Variants in RPA3 observed in about 807,000 individuals in gnomAD.
RPA3 encodes the protein replication protein A 14 kDa subunit.
Under a neutral mutation model 13.7 loss-of-function variants are expected in RPA3, and 24 were observed. The ratio of observed to expected loss-of-function variants is 1.75; its 90% CI spans 1.27 to 2.46. RPA3 has a LOEUF of 2.46. Among genes scored for constraint, RPA3 ranks in the 30% most tolerant of loss-of-function variants. The probability of loss-of-function intolerance (pLI) is 0.00; values close to 1 mark genes in which losing one functional copy is unlikely to be tolerated. For synonymous variants in RPA3, 59 were observed against 51.2 expected, an observed-to-expected ratio of 1.15 and a Z score of -0.65; for missense variants, 183 against 151.0, an observed-to-expected ratio of 1.21 and a Z score of -1.11.
intron 2 of RPA3, among the ~76,000 whole-genome samples, chr7:7,690,952 A>T (rs1303879885): frequency 1.8e-4 from 27 of 152,196 alleles, no homozygotes; most frequent in Admixed American, 1.8e-3. Context: ...AATGTTTTTT[A>T]TCCCCTAAAG....
chr7:7,675,440 T>G lies in RPA3; in HGVS notation c.-758+10390A>C, dbSNP rs565082990. On this transcript the variant is annotated intron_variant, in intron 4 of 7. Transcript: ENST00000223129. ...ATGTAGTCCTGATGAGACATTCCAT[T>G]GCATGTCTTGTAGCTATCTCAGTAG... Among the ~76,000 whole-genome samples the G allele has an allele frequency of 3.3e-5, 5 of 152,284 alleles. No homozygotes were observed. In the East Asian group the frequency reaches 9.6e-4, roughly 29 times the overall value.
At chr7:7,687,434 C>G (rs1008039282) in intron 2 of RPA3, 106 bp from the exon 3 acceptor site, 1 of 152,188 alleles carries the variant, frequency 6.6e-6, no homozygotes, top group Non-Finnish European at 1.5e-5. Flanking sequence ...CTTAGTTTAG[C>G]TGGAGAGAAT....
rs1780368612 is a variant in RPA3, at chr7:7,698,403, AT to A, written c.-1027-11076del. On this transcript the variant is annotated intron_variant, in intron 2 of 7. Transcript: ENST00000223129. ...TTCAACCAAACTGGTAGAAGTTTTG[AT>A]TGAGAAGTAGCTGTAAGTTGACTTT... Among the ~76,000 whole-genome samples, 2 of 152,206 alleles carry A rather than the reference AT, an allele frequency of 1.3e-5. 1 individual carries two copies. The highest frequency in any genetic ancestry group is 4.1e-4 in the South Asian group (2 of 4,832).
chr7:7,668,563 G>T (rs574816311), intron 4 of RPA3, among the ~76,000 whole-genome samples: 2 of 152,170 alleles, frequency 1.3e-5, no homozygotes, highest in East Asian at 3.9e-4. Flanking sequence ...TAGCATCATG[G>T]ATGGGTTCTT....
chr7:7,715,834 A>C (rs888049728), intron 1 of RPA3, among the ~76,000 whole-genome samples: 3 of 152,226 alleles, frequency 2.0e-5, no homozygotes, highest in Non-Finnish European at 4.4e-5. Flanking sequence ...AAAATAGAAT[A>C]GCATCAAACA....
intron 4 of RPA3, among the ~76,000 whole-genome samples, chr7:7,684,825 A>G (rs970323302): frequency 1.3e-5 from 2 of 152,220 alleles, no homozygotes; most frequent in African/African-American, 4.8e-5. Flanking sequence ...TCAAGCAGCC[A>G]TGTTTTAATA....
At chr7:7,668,694 A>G (rs1779530550) in intron 4 of RPA3, among the ~76,000 whole-genome samples, 1 of 152,228 alleles carries the variant, frequency 6.6e-6, no homozygotes, top group Non-Finnish European at 1.5e-5. Context: ...ACCAACTTCT[A>G]AATAAAGATA....
At chr7:7,675,994 A>C in intron 4 of RPA3, 2 of 395,248 alleles carry the variant, frequency 5.1e-6, no homozygotes, top group Non-Finnish European at 8.9e-6. Flanking sequence ...TGTGGGTACC[A>C]TTACTCTCCT....
chr7:7,702,103 A>G (rs1417938711), intron 2 of RPA3, among the ~76,000 whole-genome samples: 1 of 152,214 alleles, frequency 6.6e-6, no homozygotes. Flanking sequence ...AAGGTAGGGA[A>G]GTGATTACTA....
chr7:7,692,979 C>G (rs546872516), intron 2 of RPA3, among the ~76,000 whole-genome samples: 1 of 152,098 alleles, frequency 6.6e-6, no homozygotes, highest in Non-Finnish European at 1.5e-5. Context: ...TCTAAAATAG[C>G]TGTAGGAGGA....
intron 4 of RPA3, among the ~76,000 whole-genome samples, chr7:7,674,879 C>A (rs1323638550): frequency 6.6e-6 from 1 of 152,086 alleles, no homozygotes; most frequent in Non-Finnish European, 1.5e-5. Context: ...ACAATAAATT[C>A]TTCTCTCAGA....
chr7:7,678,637 G>GTTT (rs1779819557), intron 4 of RPA3, among the ~76,000 whole-genome samples: 2 of 32,426 alleles, frequency 6.2e-5, no homozygotes, highest in Non-Finnish European at 1.3e-4. Context: ...TTAATTTATA[G>GTTT]ATAAATATAT....
chr7:7,663,182 T>TA (rs35538283), intron 4 of RPA3, among the ~76,000 whole-genome samples: 23,491 of 144,188 alleles, frequency 0.16, 2,187 homozygotes, highest in Middle Eastern at 0.23. Flanking sequence ...TTCATTCCAT[T>TA]AAAAAAAAAA....
chr7:7,697,955 T>C lies in RPA3; in HGVS notation c.-1027-10627A>G, dbSNP rs187821068. On this transcript the variant is annotated intron_variant, in intron 2 of 7. Transcript: ENST00000223129. ...CATGAGGGCTGTGAAATAAAAACTT[T>C]GGGGAGTTGCCTGGATTGGATTCCT... is the stretch of plus-strand genomic sequence containing the variant. 1.4e-3 allele frequency among the ~76,000 whole-genome samples: 210 copies of C among 152,296 alleles called. 1 individual carries two copies. The highest frequency in any genetic ancestry group is 4.6e-3 in the African/African-American group (192 of 41,570).
At chr7:7,717,823 C>G (rs1275662493) in intron 1 of RPA3, among the ~76,000 whole-genome samples, 1 of 152,140 alleles carries the variant, frequency 6.6e-6, no homozygotes, top group Non-Finnish European at 1.5e-5. Flanking sequence ...TTTATCTTAC[C>G]ATCACCTTTT....
intron 4 of RPA3, among the ~76,000 whole-genome samples, chr7:7,642,900 G>A (rs1203346858): frequency 6.6e-6 from 1 of 152,152 alleles, no homozygotes; most frequent in Non-Finnish European, 1.5e-5. Context: ...TAAATGGTAT[G>A]TTGTTTAATA....
At position 7,677,193 on chromosome 7, in the gene RPA3, A is replaced by G. The variant is rs182162584; in HGVS notation, c.-758+8637T>C. Among the ~76,000 whole-genome samples the G allele has an allele frequency of 1.3e-4, 20 of 152,290 alleles. No individual in the cohort carries two copies. In the East Asian group the frequency reaches 2.9e-3, roughly 22 times the overall value. On this transcript the variant is annotated intron_variant, in intron 4 of 7. Transcript: ENST00000223129. ...CACAGGCATATAATGTGTAGTGATC[A>G]AATCAGGGTAATTAGGATATCTATC...
chr7:7,647,700 T>C (rs1323359095), intron 4 of RPA3, among the ~76,000 whole-genome samples: 1 of 152,222 alleles, frequency 6.6e-6, no homozygotes, highest in Non-Finnish European at 1.5e-5. Flanking sequence ...CTTGAACTCC[T>C]GAGCTCAAGG....
rs548140315 is a variant in RPA3, at chr7:7,660,448, C to T, written c.-757-19273G>A. ...TTTGCAGTGGCTGGTACCTGTTGTT[C>T]CTTTCCATGTTTAGTGTTTCCTTCA... On this transcript the variant is annotated intron_variant, in intron 4 of 7. Coordinates refer to ENST00000223129, the MANE Select transcript of RPA3 (RefSeq NM_002947.5). Among the ~76,000 whole-genome samples, 661 of 152,264 alleles carry T rather than the reference C, an allele frequency of 4.3e-3. 3 individuals are homozygous for T. Among genetic ancestry groups the T allele is most frequent in the South Asian group, 0.011 (51 of 4,818 alleles).
Sources: allele counts gnomAD v4.1 joint callset (sites outside exome capture counted in the v4.1 genomes callset), GRCh38; gene constraint gnomAD v4.1.1; transcripts MANE v1.5; gene names NCBI Gene and HGNC (gene_info 2026-07-23, HGNC 2026-07-21).